The following GRM8 variants were observed in gnomAD, a reference collection of about 807,000 sequenced individuals.
GRM8 encodes glutamate metabotropic receptor 8.
Under a neutral mutation model 87.2 loss-of-function variants are expected in GRM8, and 47 were observed. The ratio of observed to expected loss-of-function variants is 0.54; its 90% CI spans 0.43 to 0.69. The LOEUF (loss-of-function observed/expected upper bound fraction) is 0.69, where lower values mean the gene tolerates loss of function less well. Ranked by LOEUF, GRM8 falls within the 30% of genes least tolerant of loss-of-function variation. The pLI is 0.00. For synonymous variants in GRM8, 396 were observed against 404.5 expected, an observed-to-expected ratio of 0.98 and a Z score of 0.25; for missense variants, 1,019 against 1,139.2, an observed-to-expected ratio of 0.89 and a Z score of 1.52.
intron 3 of GRM8, among the ~76,000 whole-genome samples, chr7:127,008,209 T>G (rs1045625306): frequency 6.6e-6 from 1 of 152,070 alleles, no homozygotes; most frequent in East Asian, 1.9e-4. Context: ...TTCTAGAATT[T>G]CTCATGTAGA....
chr7:126,806,840 CG>C (rs1050784972), intron 6 of GRM8, among the ~76,000 whole-genome samples: 4 of 152,302 alleles, frequency 2.6e-5, no homozygotes, highest in African/African-American at 9.6e-5. Context: ...GGAACCGCGC[CG>C]GTGGCCACCC....
At chr7:127,049,729 A>C (rs1819282951) in intron 3 of GRM8, among the ~76,000 whole-genome samples, 1 of 152,156 alleles carries the variant, frequency 6.6e-6, no homozygotes, top group African/African-American at 2.4e-5. Context: ...AAGCCAGGCC[A>C]GCATGGTGGA....
chr7:126,759,861 T>C (rs1585816130), intron 7 of GRM8, among the ~76,000 whole-genome samples: 2 of 152,320 alleles, frequency 1.3e-5, no homozygotes, highest in East Asian at 3.9e-4. Flanking sequence ...TTAGTATATA[T>C]ATCCTTATCA....
At chr7:127,107,433 A>G (rs1825916324) in intron 2 of GRM8, among the ~76,000 whole-genome samples, 1 of 152,152 alleles carries the variant, frequency 6.6e-6, no homozygotes, top group African/African-American at 2.4e-5. Flanking sequence ...ATTCTTTGAA[A>G]TGAGGAATCC....
At chr7:127,107,867 G>A (rs1299381735) in intron 2 of GRM8, among the ~76,000 whole-genome samples, 1 of 152,168 alleles carries the variant, frequency 6.6e-6, no homozygotes, top group Non-Finnish European at 1.5e-5. Context: ...TGACAGTGAA[G>A]TTCCTAAAAC....
intron 6 of GRM8, among the ~76,000 whole-genome samples, chr7:126,809,986 A>G (rs1442343771): frequency 9.2e-5 from 14 of 152,206 alleles, no homozygotes; most frequent in Admixed American, 9.2e-4. Flanking sequence ...GTCTTAGCAG[A>G]AAAGGACATA....
At chr7:126,918,753 A>T (rs1490495845) in intron 3 of GRM8, among the ~76,000 whole-genome samples, 2 of 152,194 alleles carry the variant, frequency 1.3e-5, no homozygotes. Context: ...AACCAAAAAC[A>T]TCTACATTCT....
At chr7:126,574,543 G>C (rs1178188709) in intron 8 of GRM8, among the ~76,000 whole-genome samples, 1 of 152,046 alleles carries the variant, frequency 6.6e-6, no homozygotes, top group Non-Finnish European at 1.5e-5. Context: ...CCTATTATAC[G>C]GTCAGTGATG....
chr7:126,941,737 A>G (rs1362818949), intron 3 of GRM8, among the ~76,000 whole-genome samples: 3 of 152,200 alleles, frequency 2.0e-5, no homozygotes, highest in Admixed American at 1.3e-4. Flanking sequence ...CTCAAATGCA[A>G]CCGTGGTTGC....
intron 9 of GRM8, among the ~76,000 whole-genome samples, chr7:126,480,561 T>C (rs1008189044): frequency 1.3e-5 from 2 of 152,116 alleles, no homozygotes; most frequent in African/African-American, 2.4e-5. Context: ...CAAATAAAGA[T>C]ATATATTGTA....
chr7:126,976,524 G>A (rs1376295256), intron 3 of GRM8, among the ~76,000 whole-genome samples: 1 of 152,114 alleles, frequency 6.6e-6, no homozygotes, highest in Non-Finnish European at 1.5e-5. Context: ...AACCTAGGAG[G>A]CGGAGCTTGC....
At chr7:126,524,092 T>C (rs543822460) in intron 9 of GRM8, among the ~76,000 whole-genome samples, 2 of 152,270 alleles carry the variant, frequency 1.3e-5, no homozygotes, top group African/African-American at 4.8e-5. Context: ...ATCCTGGTTT[T>C]TAAAGGATTA....
Position 126,671,886 on chromosome 7 carries a change from G to T in GRM8, c.1358-62388C>A, listed in dbSNP as rs1290884042. Among the ~76,000 whole-genome samples, 12 of 152,148 alleles carry T rather than the reference G, an allele frequency of 7.9e-5. No homozygotes were observed. In the South Asian group the frequency reaches 2.5e-3, roughly 32 times the overall value. ...CTTGTTGGAGGAGAACTCAGCTCCA[G>T]TTTGACCTTAGCATTTGGCTTATGA... On this transcript the variant is annotated intron_variant, in intron 7 of 10. Transcript: ENST00000339582.
intron 10 of GRM8, among the ~76,000 whole-genome samples, chr7:126,443,960 AT>A (rs978640746): frequency 3.3e-5 from 5 of 151,866 alleles, no homozygotes; most frequent in African/African-American, 1.2e-4. Flanking sequence ...AGTTTATTAA[AT>A]TTTTTCTCCA....
At chr7:126,806,681 T>C (rs1251608535) in intron 6 of GRM8, among the ~76,000 whole-genome samples, 1 of 152,208 alleles carries the variant, frequency 6.6e-6, no homozygotes, top group African/African-American at 2.4e-5. Flanking sequence ...CCCAGCCGGC[T>C]TCACCTGTCA....
intron 8 of GRM8, among the ~76,000 whole-genome samples, chr7:126,593,096 GA>G (rs911360854): frequency 6.6e-6 from 1 of 151,812 alleles, no homozygotes; most frequent in Non-Finnish European, 1.5e-5. Context: ...AAATACTGGT[GA>G]AAAAATTTGA....
chr7:127,155,869 G>T (rs149484534), intron 2 of GRM8, among the ~76,000 whole-genome samples: 3 of 152,202 alleles, frequency 2.0e-5, no homozygotes, highest in East Asian at 3.9e-4. Context: ...GCTCATGGAA[G>T]AAAATCAAGG....
rs114016898 is a variant in GRM8, at chr7:126,695,255, G to T, written c.1357+74610C>A. Reference sequence around the variant, plus strand: ...TATTATTATGAAGAAAATGAGAAAAGAATAATATTCCATACTGATATCTTC... The same window carrying T: ...TATTATTATGAAGAAAATGAGAAAATAATAATATTCCATACTGATATCTTC... On this transcript the variant is annotated intron_variant, in intron 7 of 10. Transcript: ENST00000339582. 1.5e-3 allele frequency among the ~76,000 whole-genome samples: 223 copies of T among 152,162 alleles called. 1 individual carries two copies. The highest frequency in any genetic ancestry group is 5.1e-3 in the African/African-American group (213 of 41,520).
At position 126,439,162 on chromosome 7, in the gene GRM8, G is replaced by C. The variant is rs1274848357; in HGVS notation, c.2684C>G (p.Ser895Cys). 3 of 1,543,694 alleles carry C rather than the reference G, an allele frequency of 1.9e-6. No individual in the cohort carries two copies. Among genetic ancestry groups the C allele is most frequent in the Non-Finnish European group, 2.7e-6 (3 of 1,116,014 alleles). ...GTAACTGATATATGTTGTCTTGGTAGAGGAAGCTGTTAAGATAAATGAGGA... is the reference window on the plus strand; with the variant it reads ...GTAACTGATATATGTTGTCTTGGTACAGGAAGCTGTTAAGATAAATGAGGA... ...LCESLETNTS[S>C]TKTTYISYSN... Residue 895 changes from serine (S) to cysteine (C), a missense_variant, in exon 11 of 11, where the codon TCT becomes TGT. Transcript: ENST00000339582.
Sources: allele counts gnomAD v4.1 joint callset (sites outside exome capture counted in the v4.1 genomes callset), GRCh38; gene constraint gnomAD v4.1.1; transcripts MANE v1.5; gene names NCBI Gene and HGNC (gene_info 2026-07-23, HGNC 2026-07-21).